The following SPMAP2L variants were observed in gnomAD, a reference collection of about 807,000 sequenced individuals.
SPMAP2L encodes the protein sperm microtubule associated protein 2-like.
the SPMAP2L span, among the ~76,000 whole-genome samples, chr4:56,538,790 A>G: frequency 1.2e-4 from 19 of 152,324 alleles, no homozygotes; most frequent in Middle Eastern, 6.8e-3. Context: ...GCAACAGAGC[A>G]AGACTCCATC....
At chr4:56,550,795 T>C in the SPMAP2L span, among the ~76,000 whole-genome samples, 1 of 152,084 alleles carries the variant, frequency 6.6e-6, no homozygotes, top group Admixed American at 6.6e-5. Flanking sequence ...CTTTAAAAAG[T>C]TCGTTTTTAT....
chr4:56,620,459 T>C, the SPMAP2L span, among the ~76,000 whole-genome samples: 1 of 151,286 alleles, frequency 6.6e-6, no homozygotes, highest in African/African-American at 2.4e-5. Flanking sequence ...CGATCTCAGC[T>C]CACCGCAACC....
the SPMAP2L span, among the ~76,000 whole-genome samples, chr4:56,548,535 C>T: frequency 6.6e-6 from 1 of 151,936 alleles, no homozygotes; most frequent in Non-Finnish European, 1.5e-5. Context: ...TATCTTTTGC[C>T]AGCTTTAACT....
chr4:56,578,194 G>A, the SPMAP2L span, among the ~76,000 whole-genome samples: 2 of 152,110 alleles, frequency 1.3e-5, no homozygotes, highest in East Asian at 3.9e-4. Context: ...ATGTTGATGG[G>A]CATACAATGA....
chr4:56,593,474 A>G, the SPMAP2L span: 1 of 1,593,890 alleles, frequency 6.3e-7, no homozygotes, highest in East Asian at 2.2e-5. Flanking sequence ...GGGAAGGTGG[A>G]AGACTTTACG....
At chr4:56,530,648 C>T in the SPMAP2L span, 4 of 1,525,126 alleles carry the variant, frequency 2.6e-6, no homozygotes, top group East Asian at 4.9e-5. Context: ...GAGGGTGAGT[C>T]CCGCGCGCGA....
chr4:56,535,522 C>T, the SPMAP2L span, among the ~76,000 whole-genome samples: 2 of 152,152 alleles, frequency 1.3e-5, no homozygotes, highest in Non-Finnish European at 2.9e-5. Flanking sequence ...ATGACCCTCT[C>T]ATGCAGACCC....
the SPMAP2L span, among the ~76,000 whole-genome samples, chr4:56,592,808 C>T: frequency 6.6e-6 from 1 of 151,940 alleles, no homozygotes; most frequent in Non-Finnish European, 1.5e-5. Flanking sequence ...TGGGGCCTCG[C>T]GCCTCCTGGA....
At chr4:56,594,232 C>T in the SPMAP2L span, 15 of 1,602,160 alleles carry the variant, frequency 9.4e-6, no homozygotes, top group East Asian at 4.5e-5. Context: ...ATCAAGTGTT[C>T]AACAGCTACC....
the SPMAP2L span, among the ~76,000 whole-genome samples, chr4:56,541,367 A>G: frequency 3.3e-5 from 5 of 152,158 alleles, no homozygotes; most frequent in African/African-American, 9.6e-5. Context: ...TTTATTCCTA[A>G]TGTCAGATTT....
At chr4:56,609,023 C>T in the SPMAP2L span, among the ~76,000 whole-genome samples, 1 of 150,822 alleles carries the variant, frequency 6.6e-6, no homozygotes, top group Admixed American at 6.6e-5. Flanking sequence ...GCTGATATCA[C>T]TATTGTCTTT....
chr4:56,534,070 C>G, the SPMAP2L span, among the ~76,000 whole-genome samples: 1 of 152,160 alleles, frequency 6.6e-6, no homozygotes, highest in Non-Finnish European at 1.5e-5. Context: ...ATGTGCCCGT[C>G]CAGGTACCAT....
chr4:56,583,521 G>A, the SPMAP2L span, among the ~76,000 whole-genome samples: 3,896 of 152,228 alleles, frequency 0.026, 158 homozygotes, highest in African/African-American at 0.087. Flanking sequence ...TACCCCTAGA[G>A]AGTAATCATG....
At chr4:56,586,512 G>C in the SPMAP2L span, among the ~76,000 whole-genome samples, 1 of 152,106 alleles carries the variant, frequency 6.6e-6, no homozygotes, top group South Asian at 2.1e-4. Context: ...GGGGGTTTGG[G>C]CTTCAACATG....
At chr4:56,537,836 G>A in the SPMAP2L span, among the ~76,000 whole-genome samples, 1 of 152,070 alleles carries the variant, frequency 6.6e-6, no homozygotes, top group Non-Finnish European at 1.5e-5. Flanking sequence ...GGGACTACAG[G>A]TGCCCGCCAC....
At chr4:56,568,403 A>G in the SPMAP2L span, among the ~76,000 whole-genome samples, 1 of 152,118 alleles carries the variant, frequency 6.6e-6, no homozygotes, top group Admixed American at 6.5e-5. Context: ...TTGTATTCCT[A>G]TAAATATTCT....
chr4:56,586,552 C>T, the SPMAP2L span, among the ~76,000 whole-genome samples: 1 of 152,162 alleles, frequency 6.6e-6, no homozygotes, highest in South Asian at 2.1e-4. Flanking sequence ...AACAGTCAGT[C>T]CACAATAACA....
the SPMAP2L span, among the ~76,000 whole-genome samples, chr4:56,544,265 A>G: frequency 2.0e-5 from 3 of 152,184 alleles, no homozygotes; most frequent in Admixed American, 1.3e-4. Flanking sequence ...CTGGGATTAC[A>G]GGTGTGAACC....
At chr4:56,600,283 A>G in the SPMAP2L span, among the ~76,000 whole-genome samples, 1 of 151,502 alleles carries the variant, frequency 6.6e-6, no homozygotes, top group South Asian at 2.1e-4. Flanking sequence ...AATGGGAAAC[A>G]ATAGGATGGG....
Sources: allele counts gnomAD v4.1 joint callset (sites outside exome capture counted in the v4.1 genomes callset), GRCh38; gene constraint gnomAD v4.1.1; transcripts MANE v1.5; gene names NCBI Gene and HGNC (gene_info 2026-07-23, HGNC 2026-07-21).